The following DOCK10 variants were observed in gnomAD, a reference collection of about 807,000 sequenced individuals.
DOCK10 encodes dedicator of cytokinesis protein 10.
In DOCK10, 145 loss-of-function variants were observed where a neutral mutation model predicts 280.1. That is an observed-to-expected ratio of 0.52 (90% CI 0.45 to 0.59). The LOEUF (loss-of-function observed/expected upper bound fraction) is 0.59. Among genes scored for constraint, DOCK10 ranks in the 20% least tolerant of loss-of-function variants. The pLI is 0.00. For missense variants in DOCK10, 2,368 were observed against 2,651.7 expected, an observed-to-expected ratio of 0.89 and a Z score of 2.35; for synonymous variants, 915 against 942.2, an observed-to-expected ratio of 0.97 and a Z score of 0.53.
intron 1 of DOCK10, among the ~76,000 whole-genome samples, chr2:225,020,006 G>T (rs1018667713): frequency 1.3e-5 from 2 of 152,122 alleles, no homozygotes; most frequent in African/African-American, 4.8e-5. Context: ...AATTCCTGAT[G>T]AATCTAGCTT....
rs1226419683 is a variant in DOCK10, at chr2:224,864,666, A to G, written c.1489T>C (p.Ser497Pro). ...ATTTCAGAATGTGGATTGCTTACAG[A>G]AAATACAGCCTGTGTACAAAGAAAG... The part of the protein sequence containing the change: ...WLKFPKQAVF[S>P]VSNPHSEIVL... Residue 497 changes from serine (S) to proline (P), a missense_variant, in exon 13 of 56, where the codon TCT (serine) becomes CCT (proline). By Grantham distance (74) the Ser-to-Pro change is moderately conservative. Coordinates refer to ENST00000258390, the MANE Select transcript of DOCK10 (RefSeq NM_014689.3). 1 of 1,611,324 alleles carries G rather than the reference A, an allele frequency of 6.2e-7. No homozygotes were observed. Among genetic ancestry groups the G allele is most frequent in the African/African-American group, 1.3e-5 (1 of 74,648 alleles).
chr2:224,832,961 C>G (rs1384079387), intron 26 of DOCK10, among the ~76,000 whole-genome samples: 1 of 152,178 alleles, frequency 6.6e-6, no homozygotes, highest in Non-Finnish European at 1.5e-5. Context: ...CTGAAACCCA[C>G]CCACCCCACC....
intron 7 of DOCK10, among the ~76,000 whole-genome samples, chr2:224,877,825 G>A (rs181915948): frequency 5.6e-4 from 86 of 152,296 alleles, no homozygotes; most frequent in African/African-American, 1.9e-3. Flanking sequence ...TTCCCCTAGT[G>A]ACACAAACTA....
chr2:224,986,600 A>G (rs1023588878), intron 1 of DOCK10, among the ~76,000 whole-genome samples: 1 of 142,922 alleles, frequency 7.0e-6, no homozygotes, highest in Admixed American at 7.0e-5. Context: ...AAGAAGAGGA[A>G]TAAACACCAG....
rs532557099 is a variant in DOCK10, at chr2:224,772,173, G to A, written c.6204+984C>T. On this transcript the variant is annotated intron_variant, in intron 53 of 55. Transcript: ENST00000258390. ...TGACTTCAAGTGATCCATCCATCTCGGCCTCCCAAAGTGTTGGGATTACAG... is the reference window on the plus strand; with the variant it reads ...TGACTTCAAGTGATCCATCCATCTCAGCCTCCCAAAGTGTTGGGATTACAG... Among the ~76,000 whole-genome samples the A allele has an allele frequency of 3.9e-5, 6 of 151,990 alleles. No individual in the cohort carries two copies. In the East Asian group the frequency reaches 9.7e-4, roughly 25 times the overall value.
chr2:224,841,828 G>A lies in DOCK10; in HGVS notation c.2637C>T (p.Thr879=). The change falls in exon 23 of 56, where the codon ACC becomes ACT. Residue 879 remains threonine (T), a synonymous_variant. Coordinates refer to ENST00000258390, the MANE Select transcript of DOCK10 (RefSeq NM_014689.3). ...CCTTACAAGAGCGGATGAAATTTGA[G>A]GTAGGTGACTGAGACATATCTTTCT... The part of the protein sequence containing the change: ...KREKDMSQSP[T]SNFIRSCKNL... 1 of 1,612,576 alleles carries A rather than the reference G, an allele frequency of 6.2e-7. No homozygotes were observed. Among genetic ancestry groups the A allele is most frequent in the Non-Finnish European group, 8.5e-7 (1 of 1,178,714 alleles).
At chr2:224,897,959 G>A (rs995891247) in intron 3 of DOCK10, among the ~76,000 whole-genome samples, 4 of 152,102 alleles carry the variant, frequency 2.6e-5, no homozygotes, top group African/African-American at 9.7e-5. Context: ...AGCTATCATT[G>A]GGATTATATG....
chr2:224,945,781 A>G (rs1165366336), intron 1 of DOCK10, among the ~76,000 whole-genome samples: 1 of 152,164 alleles, frequency 6.6e-6, no homozygotes, highest in Non-Finnish European at 1.5e-5. Flanking sequence ...TGGTTTTCAT[A>G]TGGGTGATCA....
Position 224,916,776 on chromosome 2 carries a change from T to C in DOCK10, c.252A>G (p.Thr84=), listed in dbSNP as rs372406711. 1 of 1,608,718 alleles carries C rather than the reference T, an allele frequency of 6.2e-7. No homozygotes were observed. The highest frequency in any genetic ancestry group is 1.7e-5 in the Admixed American group (1 of 59,384). ...FFPSDDFSAA[T]VSWDIRTLYS... is the part of the protein sequence containing the mutation. ...ACAACGTGCGGATATCCCAGGAAAC[T>C]GTGGCTGCCTGAAACGAACAATGAA... Residue 84 remains threonine, a synonymous_variant, in exon 3 of 56, where the codon ACA becomes ACG. Transcript: ENST00000258390.
At chr2:225,008,066 G>T (rs562920226) in intron 1 of DOCK10, among the ~76,000 whole-genome samples, 59 of 152,288 alleles carry the variant, frequency 3.9e-4, no homozygotes, top group Non-Finnish European at 7.1e-4. Context: ...GCCATGGCTG[G>T]AAGTTCATGA....
At chr2:224,889,753 T>C (rs1699549464) in intron 4 of DOCK10, among the ~76,000 whole-genome samples, 1 of 152,196 alleles carries the variant, frequency 6.6e-6, no homozygotes, top group Non-Finnish European at 1.5e-5. Flanking sequence ...ATATTCCTTT[T>C]CTCCTTAATA....
intron 1 of DOCK10, among the ~76,000 whole-genome samples, chr2:225,032,874 A>G (rs1690119753): frequency 6.6e-6 from 1 of 152,332 alleles, no homozygotes; most frequent in East Asian, 1.9e-4. Flanking sequence ...GTTTAATTTG[A>G]AAGGCCAAAG....
At chr2:224,819,556 AAC>A (rs1425919966) in intron 28 of DOCK10, 27 bp from the exon 29 acceptor site, 1 of 1,469,980 alleles carries the variant, frequency 6.8e-7, no homozygotes, top group Non-Finnish European at 9.3e-7. Flanking sequence ...TCTAAATTTA[AAC>A]ACTTTTACTT....
intron 31 of DOCK10, among the ~76,000 whole-genome samples, chr2:224,808,591 C>T (rs971557218): frequency 1.3e-5 from 2 of 151,782 alleles, no homozygotes. Flanking sequence ...GAGGGGAGCA[C>T]GAGTATGTGG....
At chr2:224,905,234 A>ATTTTTTT (rs201582173) in intron 3 of DOCK10, among the ~76,000 whole-genome samples, 4 of 111,538 alleles carry the variant, frequency 3.6e-5, no homozygotes, top group African/African-American at 7.9e-5. Context: ...CTATGGAACT[A>ATTTTTTT]TTTTTTTTTT....
intron 15 of DOCK10, among the ~76,000 whole-genome samples, chr2:224,856,317 G>T (rs1266930238): frequency 6.6e-6 from 1 of 151,926 alleles, no homozygotes; most frequent in African/African-American, 2.4e-5. Context: ...GTTTATAACA[G>T]ATCACCCCAG....
chr2:224,769,507 G>A (rs1010960501), intron 55 of DOCK10, among the ~76,000 whole-genome samples: 16 of 152,242 alleles, frequency 1.1e-4, no homozygotes, highest in Admixed American at 4.6e-4. Flanking sequence ...AGGGGAGCAC[G>A]GGTGATGAGA....
At chr2:224,892,427 GAAAGAAAAGA>G (rs61162322) in intron 4 of DOCK10, among the ~76,000 whole-genome samples, 2 of 93,970 alleles carry the variant, frequency 2.1e-5, no homozygotes. Flanking sequence ...AAAAAAGAAA[GAAAGAAAAGA>G]AAAGAAAAGA....
At position 224,859,462 on chromosome 2, in the gene DOCK10, A is replaced by ATCTGTAT. The variant is rs533663772; in HGVS notation, c.1686-2487_1686-2481dup. Reference sequence around the variant, plus strand: ...TGAGTATAAAATACCCTGTGTAGTCATCTGTATGTGTTCTCTATTCCTCCC... The same window carrying ATCTGTAT: ...TGAGTATAAAATACCCTGTGTAGTCATCTGTATTCTGTATGTGTTCTCTATTCCTCCC... On this transcript the variant is annotated intron_variant, in intron 14 of 55. Coordinates refer to ENST00000258390, the MANE Select transcript of DOCK10 (RefSeq NM_014689.3). Among the ~76,000 whole-genome samples the ATCTGTAT allele has an allele frequency of 7.9e-5, 12 of 152,300 alleles. No homozygotes were observed. In the South Asian group the frequency reaches 2.5e-3, roughly 32 times the overall value.
Sources: allele counts gnomAD v4.1 joint callset (sites outside exome capture counted in the v4.1 genomes callset), GRCh38; gene constraint gnomAD v4.1.1; transcripts MANE v1.5; gene names NCBI Gene and HGNC (gene_info 2026-07-23, HGNC 2026-07-21).